SYNJ2: variants seen among roughly 807,000 people sequenced by gnomAD.
The protein encoded by SYNJ2 is synaptojanin 2.
Under a neutral mutation model 141.3 loss-of-function variants are expected in SYNJ2, and 116 were observed. The observed-to-expected ratio is 0.82, with a 90% CI of 0.71 to 0.96. SYNJ2 has a LOEUF of 0.96. Among genes scored for constraint, SYNJ2 ranks in the 40% least tolerant of loss-of-function variants. The pLI is 0.00. For synonymous variants in SYNJ2, 745 were observed against 777.7 expected (o/e 0.96, Z 0.70); for missense variants, 1,873 against 1,934.8 (o/e 0.97, Z 0.60).
chr6:158,066,407 A>G, intron 11 of SYNJ2, 37 bp from the exon 12 acceptor site: 5 of 1,611,066 alleles, frequency 3.1e-6, no homozygotes, highest in Non-Finnish European at 4.2e-6. Flanking sequence ...GAGCTTTGGA[A>G]CTGCAAAGAA....
intron 1 of SYNJ2, among the ~76,000 whole-genome samples, chr6:157,987,651 C>T (rs1405022634): frequency 6.6e-6 from 1 of 152,162 alleles, no homozygotes; most frequent in East Asian, 1.9e-4. Flanking sequence ...ATCCGCCCGC[C>T]TCGGCCTCCC....
At position 158,043,098 on chromosome 6, in the gene SYNJ2, C is replaced by A. The variant is rs1780037437; in HGVS notation, c.712-218C>A. ...GGGAGGCCCCAACCCCCAGCAGACCCCCTCCTCAGAGGCTGGTCGACAGCC... is the reference window on the plus strand; with the variant it reads ...GGGAGGCCCCAACCCCCAGCAGACCACCTCCTCAGAGGCTGGTCGACAGCC... On this transcript the variant is annotated intron_variant, in intron 4 of 26. Transcript: ENST00000355585. The surrounding 1 kb of genome is among the most constrained non-coding windows in gnomAD (Gnocchi z 4.0). 6.6e-6 allele frequency among the ~76,000 whole-genome samples: 1 copy of A among 152,128 alleles called. No individual in the cohort carries two copies. Among genetic ancestry groups the A allele is most frequent in the South Asian group, 2.1e-4 (1 of 4,818 alleles).
At chr6:158,080,280 G>A (rs1181040620) in intron 18 of SYNJ2, among the ~76,000 whole-genome samples, 1 of 152,044 alleles carries the variant, frequency 6.6e-6, no homozygotes, top group Non-Finnish European at 1.5e-5. Context: ...TTCAAGACCA[G>A]CCTAGCCAAC....
chr6:158,084,083 CGACCTCTCT>C lies in SYNJ2; in HGVS notation c.3120_3128del (p.Leu1041_Asp1043del), dbSNP rs1782882913. On this transcript the variant is annotated inframe_deletion, in exon 22 of 27. Coordinates refer to ENST00000355585, the MANE Select transcript of SYNJ2 (RefSeq NM_003898.4). This position sits in a 1 kb window ranked among gnomAD's most constrained non-coding sequence, Gnocchi z 5.0. ...TCTCGGACAGTGAACTCGGGGGAGA[CGACCTCTCT>C]GATGTCCCCGGCCCCACAGCACTGG... is the stretch of plus-strand genomic sequence containing the variant. 1.2e-6 allele frequency: 2 copies of C among 1,614,032 alleles called. No individual in the cohort carries two copies. Among genetic ancestry groups the C allele is most frequent in the African/African-American group, 2.7e-5 (2 of 74,918 alleles).
At chr6:158,067,356 C>A in intron 12 of SYNJ2, 1 of 885,004 alleles carries the variant, frequency 1.1e-6, no homozygotes, top group Non-Finnish European at 1.4e-6. Flanking sequence ...AACAGCTCAT[C>A]CCTGCCTCTC....
intron 1 of SYNJ2, among the ~76,000 whole-genome samples, chr6:157,990,313 T>G (rs1777373408): frequency 6.6e-6 from 1 of 151,914 alleles, no homozygotes. Context: ...CCTGCATTCC[T>G]GCCCACTCTC....
chr6:158,052,379 G>T (rs2128353375), intron 5 of SYNJ2, among the ~76,000 whole-genome samples: 2 of 152,332 alleles, frequency 1.3e-5, no homozygotes, highest in East Asian at 1.9e-4. Flanking sequence ...TATCACATTG[G>T]TGTTAGTCCA....
chr6:158,017,347 C>CT (rs1373209161), intron 2 of SYNJ2, 57 bp downstream of exon 2: 1 of 1,555,162 alleles, frequency 6.4e-7, no homozygotes, highest in Non-Finnish European at 8.7e-7. Flanking sequence ...GCAGGAGCCT[C>CT]TGTGTCGGAA....
chr6:158,096,568 T>A lies in SYNJ2; in HGVS notation c.*204T>A. The A allele has an allele frequency of 1.9e-6, 1 of 514,028 alleles. No individual in the cohort carries two copies. Among genetic ancestry groups the A allele is most frequent in the Non-Finnish European group, 3.3e-6 (1 of 302,624 alleles). The allele number at this position is 514,028 out of a possible 1,614,324, so 31.8% of individuals were successfully genotyped here. ...CAAAATATATTTCACTCAAGGCTTGTACATCTGAAGTTTGCTCTTCAAGGA... is the reference window on the plus strand; with the variant it reads ...CAAAATATATTTCACTCAAGGCTTGAACATCTGAAGTTTGCTCTTCAAGGA... On this transcript the variant is annotated 3_prime_UTR_variant, in exon 27 of 27. Transcript: ENST00000355585.
At chr6:157,991,521 A>G (rs10455938) in intron 1 of SYNJ2, among the ~76,000 whole-genome samples, 80,847 of 151,770 alleles carry the variant, frequency 0.53, 22,719 homozygotes, top group African/African-American at 0.73. Flanking sequence ...CAGTGGGGGA[A>G]TTTAGTTAAT....
At chr6:158,033,178 G>A (rs1436222551) in intron 3 of SYNJ2, among the ~76,000 whole-genome samples, 2 of 152,196 alleles carry the variant, frequency 1.3e-5, no homozygotes, top group Admixed American at 6.5e-5. Flanking sequence ...CTTCCATTTA[G>A]CGACAGTGAC....
intron 18 of SYNJ2, among the ~76,000 whole-genome samples, chr6:158,080,753 A>C (rs1782625265): frequency 6.6e-6 from 1 of 152,244 alleles, no homozygotes; most frequent in Non-Finnish European, 1.5e-5. Context: ...TTACCATGTC[A>C]AAAATCTTTG....
At chr6:158,065,201 G>C (rs569940607) in intron 11 of SYNJ2, among the ~76,000 whole-genome samples, 5 of 152,316 alleles carry the variant, frequency 3.3e-5, no homozygotes, top group African/African-American at 1.2e-4. Flanking sequence ...GTCTCGGCTT[G>C]GACTGTGTTT....
chr6:158,085,936 T>C (rs930933682), intron 22 of SYNJ2, among the ~76,000 whole-genome samples: 3 of 151,976 alleles, frequency 2.0e-5, no homozygotes, highest in Admixed American at 6.6e-5. Context: ...AGAAGGACCT[T>C]TCTCTCGGGG....
At chr6:158,065,648 A>G (rs1340822363) in intron 11 of SYNJ2, among the ~76,000 whole-genome samples, 1 of 152,214 alleles carries the variant, frequency 6.6e-6, no homozygotes, top group South Asian at 2.1e-4. Context: ...TGTTTTTGAA[A>G]AATGAACTAG....
Position 158,040,533 on chromosome 6 carries a change from TA to T in SYNJ2, c.712-2771del, listed in dbSNP as rs34645890. Among the ~76,000 whole-genome samples, 4,775 of 142,412 alleles carry T rather than the reference TA, an allele frequency of 0.034. 227 individuals are homozygous for T. Among genetic ancestry groups the T allele is most frequent in the African/African-American group, 0.11 (4,289 of 39,456 alleles). 93.4% of individuals were successfully genotyped at this position (142,412 alleles called of 152,430 possible). A position where few individuals can be genotyped will look rare whatever the true frequency, so the allele number is the denominator to read the frequency against. On this transcript the variant is annotated intron_variant, in intron 4 of 26. Transcript: ENST00000355585. This position sits in a 1 kb window ranked among gnomAD's most constrained non-coding sequence, Gnocchi z 4.2. ...AGACCAAAAAGTCCCCTCAGTCTAT[TA>T]AAAAAAAAAAAGGATGTAAGATAAA...
At chr6:158,078,378 G>C (rs1440343245) in intron 18 of SYNJ2, 97 bp downstream of exon 18, 3 of 764,288 alleles carry the variant, frequency 3.9e-6, no homozygotes, top group Non-Finnish European at 6.7e-6. Flanking sequence ...AAGGATGTGT[G>C]TGCGCATGGG....
chr6:158,028,920 G>A lies in SYNJ2; in HGVS notation c.379G>A (p.Gly127Arg), dbSNP rs1184799681. 8.7e-6 allele frequency: 14 copies of A among 1,614,044 alleles called. No homozygotes were observed. The South Asian group carries it at 1.5e-4, about 18-fold the overall frequency. The change falls in exon 3 of 27, where the codon GGG becomes AGG. Residue 127 changes from glycine to arginine, a missense_variant. Coordinates refer to ENST00000355585, the MANE Select transcript of SYNJ2 (RefSeq NM_003898.4). ...AGCTTTGAAGAAAATCCTCAGCTCGGGGGTGTTCTATTTCTCATGGCCAAA... is the reference window on the plus strand; with the variant it reads ...AGCTTTGAAGAAAATCCTCAGCTCGAGGGTGTTCTATTTCTCATGGCCAAA... ...LIALKKILSS[G>R]VFYFSWPNDG...
chr6:158,019,432 C>G (rs1778641858), intron 2 of SYNJ2, among the ~76,000 whole-genome samples: 1 of 152,170 alleles, frequency 6.6e-6, no homozygotes, highest in Admixed American at 6.5e-5. Flanking sequence ...GGGCTGTGAT[C>G]TAAGATCAGC....
Sources: allele counts gnomAD v4.1 joint callset (sites outside exome capture counted in the v4.1 genomes callset), GRCh38; gene constraint gnomAD v4.1.1; non-coding constraint Gnocchi (gnomAD v3.1); transcripts MANE v1.5; gene names NCBI Gene and HGNC (gene_info 2026-07-23, HGNC 2026-07-21).